Variants in IQSEC3 observed in about 807,000 individuals in gnomAD.
IQSEC3 encodes the protein IQ motif and SEC7 domain-containing protein 3.
IQSEC3 carries 50 observed loss-of-function variants against 105.4 expected under a neutral mutation model. The observed-to-expected ratio is 0.47, with a 90% CI of 0.38 to 0.60. The LOEUF (loss-of-function observed/expected upper bound fraction) is 0.60. Among genes scored for constraint, IQSEC3 ranks in the 20% least tolerant of loss-of-function variants. IQSEC3 has a pLI of 0.00. For missense variants in IQSEC3, 1,415 were observed against 1,630.0 expected (o/e 0.87, Z 2.27); for synonymous variants, 708 against 746.0 (o/e 0.95, Z 0.83).
Position 138,148 on chromosome 12 carries a change from C to T in IQSEC3, c.904-119C>T. 3 of 898,980 alleles carry T rather than the reference C, an allele frequency of 3.3e-6. No homozygotes were observed. Among genetic ancestry groups the T allele is most frequent in the South Asian group, 1.7e-5 (1 of 59,348 alleles). The allele number at this position is 898,980 out of a possible 1,614,324, so 55.7% of individuals were successfully genotyped here. ...ACTTTAGCTGCCCAGGAGCGCCCCC[C>T]CGCCCCCGTCCATTCCTGGGCCCCA... is the stretch of plus-strand genomic sequence containing the variant. On this transcript the variant is annotated intron_variant, in intron 3 of 13. Coordinates refer to ENST00000538872, the MANE Select transcript of IQSEC3 (RefSeq NM_001170738.2). This position sits in a 1 kb window ranked among gnomAD's most constrained non-coding sequence, Gnocchi z 7.1.
intron 1 of IQSEC3, among the ~76,000 whole-genome samples, chr12:69,887 G>A (rs1472624254): frequency 6.6e-6 from 1 of 152,278 alleles, no homozygotes. Context: ...TATGATGCAG[G>A]ACAAGATGGA....
intron 1 of IQSEC3, among the ~76,000 whole-genome samples, chr12:74,707 G>A (rs1222537472): frequency 6.6e-6 from 1 of 152,280 alleles, no homozygotes; most frequent in Non-Finnish European, 1.5e-5. Flanking sequence ...GGGGCTAGAG[G>A]CTTTTAGGAG....
At chr12:129,554 C>G (rs782091418) in intron 3 of IQSEC3, among the ~76,000 whole-genome samples, 15 of 152,132 alleles carry the variant, frequency 9.9e-5, no homozygotes, top group Non-Finnish European at 2.2e-4. Flanking sequence ...GGGATACAAC[C>G]TAGGGCAGGC....
At chr12:117,666 A>G (rs1817572266) in intron 2 of IQSEC3, among the ~76,000 whole-genome samples, 1 of 152,196 alleles carries the variant, frequency 6.6e-6, no homozygotes, top group African/African-American at 2.4e-5. Context: ...AACACTCTAG[A>G]GACAAGCCAG....
chr12:127,173 A>G (rs1865443539), intron 3 of IQSEC3, among the ~76,000 whole-genome samples: 2 of 152,214 alleles, frequency 1.3e-5, no homozygotes, highest in Admixed American at 1.3e-4. Context: ...CTGATGACAT[A>G]AAGCTGAAAG....
At chr12:137,680 T>A (rs1309563815) in intron 3 of IQSEC3, 1 of 149,786 alleles carries the variant, frequency 6.7e-6, no homozygotes, top group Admixed American at 6.6e-5. Flanking sequence ...AGAGACAAGG[T>A]CTCACTGTTT....
At chr12:115,223 G>A (rs1031928631) in intron 2 of IQSEC3, among the ~76,000 whole-genome samples, 2 of 152,206 alleles carry the variant, frequency 1.3e-5, no homozygotes, top group Non-Finnish European at 2.9e-5. Flanking sequence ...GCACCTGTAG[G>A]TCATCAGATT....
At chr12:157,175 C>A in intron 6 of IQSEC3, 28 bp downstream of exon 6, 1 of 1,514,002 alleles carries the variant, frequency 6.6e-7, no homozygotes, top group East Asian at 2.4e-5. Context: ...CTCCACTCCC[C>A]AACAGACCCC....
chr12:80,912 G>T (rs563107141), intron 1 of IQSEC3, among the ~76,000 whole-genome samples: 1 of 152,178 alleles, frequency 6.6e-6, no homozygotes, highest in African/African-American at 2.4e-5. Context: ...AGAGGCCAAG[G>T]GTGGGACCCT....
At chr12:84,202 C>T (rs782778394) in intron 1 of IQSEC3, among the ~76,000 whole-genome samples, 12 of 152,370 alleles carry the variant, frequency 7.9e-5, no homozygotes, top group Non-Finnish European at 1.3e-4. Flanking sequence ...CAGTTGTTCA[C>T]GTTGCTGCAG....
intron 2 of IQSEC3, among the ~76,000 whole-genome samples, chr12:101,552 A>G (rs1565395558): frequency 6.6e-6 from 1 of 151,932 alleles, no homozygotes; most frequent in Admixed American, 6.5e-5. Flanking sequence ...GCGCCTATAC[A>G]CCCTGCTTAC....
chr12:104,711 G>A (rs1486571358), intron 2 of IQSEC3, among the ~76,000 whole-genome samples: 1 of 152,240 alleles, frequency 6.6e-6, no homozygotes, highest in Non-Finnish European at 1.5e-5. Flanking sequence ...AGCAAGGCAG[G>A]GGCTCTGCCG....
chr12:98,836 G>C (rs1330240386), intron 1 of IQSEC3, among the ~76,000 whole-genome samples: 2 of 152,232 alleles, frequency 1.3e-5, no homozygotes, highest in African/African-American at 4.8e-5. Flanking sequence ...GTACATGCAC[G>C]CGAAAGAGCC....
chr12:164,203 C>A, intron 9 of IQSEC3, among the ~76,000 whole-genome samples: 1 of 152,210 alleles, frequency 6.6e-6, no homozygotes. Context: ...CTCCCTCGCA[C>A]CGGCCCTCTC....
intron 2 of IQSEC3, among the ~76,000 whole-genome samples, chr12:119,401 T>TG (rs1458139893): frequency 3.3e-5 from 5 of 152,166 alleles, no homozygotes; most frequent in Non-Finnish European, 7.3e-5. Context: ...TTGGCATGTG[T>TG]GAAATCATGT....
chr12:69,530 T>G (rs1555066912), intron 1 of IQSEC3, among the ~76,000 whole-genome samples: 2 of 152,280 alleles, frequency 1.3e-5, no homozygotes, highest in African/African-American at 4.8e-5. Flanking sequence ...ATCTTTCACT[T>G]AGAAAGTTGC....
At chr12:103,203 C>T (rs2136924315) in intron 2 of IQSEC3, among the ~76,000 whole-genome samples, 1 of 151,782 alleles carries the variant, frequency 6.6e-6, no homozygotes, top group African/African-American at 2.4e-5. Context: ...CTCTCAGTGA[C>T]AATGACCCGG....
At chr12:135,380 G>A (rs1044640438) in intron 3 of IQSEC3, among the ~76,000 whole-genome samples, 4 of 152,200 alleles carry the variant, frequency 2.6e-5, no homozygotes, top group Admixed American at 2.6e-4. Context: ...GGAACAGAAT[G>A]CCTCAGAGGC....
chr12:156,618 G>A (rs1415731298), intron 5 of IQSEC3, among the ~76,000 whole-genome samples: 2 of 152,216 alleles, frequency 1.3e-5, no homozygotes, highest in African/African-American at 2.4e-5. Flanking sequence ...AAATGAGAAA[G>A]TGAAATTTAA....
Sources: gnomAD v4.1 joint callset for allele counts (sites outside exome capture counted in the v4.1 genomes callset) on GRCh38, gnomAD v4.1.1 for gene constraint, Gnocchi (gnomAD v3.1) non-coding constraint, MANE v1.5 for transcripts, NCBI Gene and HGNC (gene_info 2026-07-23, HGNC 2026-07-21) for gene names.